The following APC variants were observed in gnomAD, a reference collection of about 807,000 sequenced individuals.
APC encodes APC regulator of Wnt signaling pathway.
APC carries 72 observed loss-of-function variants against 247.0 expected under a neutral mutation model. The ratio of observed to expected loss-of-function variants is 0.29; its 90% CI spans 0.24 to 0.35. The LOEUF is 0.35. Among genes scored for constraint, APC ranks in the 10% least tolerant of loss-of-function variants. The probability of loss-of-function intolerance (pLI) is 1.00; values close to 1 mark genes in which losing one functional copy is unlikely to be tolerated. For missense variants in APC, 3,400 were observed against 3,360.7 expected, an observed-to-expected ratio of 1.01 and a Z score of -0.29; for synonymous variants, 1,254 against 1,162.5, an observed-to-expected ratio of 1.08 and a Z score of -1.60.
At chr5:112,742,945 C>T (rs1445034397) in intron 1 of APC, among the ~76,000 whole-genome samples, 1 of 152,184 alleles carries the variant, frequency 6.6e-6, no homozygotes, top group Admixed American at 6.5e-5. Flanking sequence ...GCTGTTGTAA[C>T]AAATTAACAC....
chr5:112,726,128 G>A (rs1055097411), intron 1 of APC, among the ~76,000 whole-genome samples: 3 of 152,202 alleles, frequency 2.0e-5, no homozygotes, highest in Non-Finnish European at 4.4e-5. Context: ...GCATCCAGGG[G>A]TGGGAGCCTG....
At chr5:112,830,428 G>T (rs1764178441) in intron 14 of APC, among the ~76,000 whole-genome samples, 1 of 152,176 alleles carries the variant, frequency 6.6e-6, no homozygotes, top group Non-Finnish European at 1.5e-5. Context: ...ATGTTGAGCA[G>T]CTGGAAATCA....
At chr5:112,806,583 T>G (rs183541857) in intron 8 of APC, among the ~76,000 whole-genome samples, 107 of 151,462 alleles carry the variant, frequency 7.1e-4, no homozygotes, top group African/African-American at 2.5e-3. Flanking sequence ...TTTATTTATT[T>G]ATTTATTTAT....
At chr5:112,713,136 A>G (rs1195687376) in intron 1 of APC, among the ~76,000 whole-genome samples, 1 of 145,076 alleles carries the variant, frequency 6.9e-6, no homozygotes, top group Admixed American at 7.5e-5. Flanking sequence ...GCATCACTGC[A>G]CTCCAGCCTG....
At chr5:112,829,566 C>T (rs926188570) in intron 14 of APC, 1 of 154,256 alleles carries the variant, frequency 6.5e-6, no homozygotes, top group Non-Finnish European at 1.4e-5. Context: ...TCTGCCTCAG[C>T]ACTATAGACA....
At chr5:112,798,324 A>G (rs1206815595) in intron 7 of APC, among the ~76,000 whole-genome samples, 1 of 152,262 alleles carries the variant, frequency 6.6e-6, no homozygotes, top group African/African-American at 2.4e-5. Flanking sequence ...AGCCAGAGAT[A>G]TAAGTCCATT....
In APC at chr5:112,845,249, C is replaced by G; in HGVS notation, c.*1123C>G. ...TATTTTTCCACTTAAACTTTTTTTT[C>G]TTACTCCACTGGAGCTCAGTAAAAG... is the stretch of plus-strand genomic sequence containing the variant. On this transcript the variant is annotated 3_prime_UTR_variant, in exon 16 of 16. Coordinates refer to ENST00000257430, the MANE Select transcript of APC (RefSeq NM_000038.6). 4.3e-6 allele frequency: 1 copy of G among 232,172 alleles called. No individual in the cohort carries two copies. The highest frequency in any genetic ancestry group is 1.8e-4 in the South Asian group (1 of 5,506). 14.4% of individuals were successfully genotyped at this position (232,172 alleles called of 1,614,324 possible).
chr5:112,832,383 A>ACAAAGG (rs1356026678), intron 14 of APC, among the ~76,000 whole-genome samples: 1 of 152,228 alleles, frequency 6.6e-6, no homozygotes, highest in Non-Finnish European at 1.5e-5. Flanking sequence ...TGTGAGAAGG[A>ACAAAGG]CAAAGGCACT....
chr5:112,836,009 CTTTTTTTTT>C (rs371484714), intron 15 of APC, among the ~76,000 whole-genome samples: 1,429 of 106,304 alleles, frequency 0.013, 68 homozygotes, highest in East Asian at 0.087. Flanking sequence ...ATACAACTGT[CTTTTTTTTT>C]TTTTTTTTTT....
chr5:112,747,287 A>C (rs951870954), intron 1 of APC, among the ~76,000 whole-genome samples: 27 of 152,226 alleles, frequency 1.8e-4, no homozygotes, highest in Admixed American at 1.6e-3. Context: ...TAAATTATTC[A>C]TGAGATATAG....
intron 1 of APC, among the ~76,000 whole-genome samples, chr5:112,741,834 T>A (rs987465213): frequency 2.6e-5 from 4 of 152,162 alleles, no homozygotes; most frequent in Non-Finnish European, 4.4e-5. Flanking sequence ...CTCAAAGAAT[T>A]TGACTATTCT....
intron 6 of APC, among the ~76,000 whole-genome samples, chr5:112,787,506 A>C (rs1439872601): frequency 1.3e-5 from 2 of 152,194 alleles, no homozygotes; most frequent in African/African-American, 2.4e-5. Flanking sequence ...ATCAGTGGGT[A>C]GTGAAACATT....
intron 5 of APC, chr5:112,777,909 A>G: frequency 5.0e-6 from 1 of 198,498 alleles, no homozygotes; most frequent in South Asian, 1.1e-4. Context: ...ACTGTCAGAT[A>G]AAGATTTTCT....
At chr5:112,717,908 C>CTTTTTCTTTTTTTTTTTTTTTTTTTTT (rs1751264440) in intron 1 of APC, among the ~76,000 whole-genome samples, 1 of 40,634 alleles carries the variant, frequency 2.5e-5, no homozygotes, top group Non-Finnish European at 4.5e-5. Context: ...TTTTCTTTTT[C>CTTTTTCTTTTTTTTTTTTTTTTTTTTT]TTTTTTTTTT....
intron 8 of APC, 60 bp downstream of exon 8, chr5:112,801,443 C>G (rs985160751): frequency 2.0e-4 from 249 of 1,223,380 alleles, no homozygotes; most frequent in Non-Finnish European, 2.8e-4. Flanking sequence ...AAGTATGAAG[C>G]AAGATGGTTC....
Position 112,748,072 on chromosome 5 carries a change from A to G in APC, c.-18-6801A>G, listed in dbSNP as rs186124599. ...CGACCCACAAAGCCTTATAATATTT[A>G]TTATCTGGCCCTTACAGAAAATGCT... On this transcript the variant is annotated intron_variant, in intron 1 of 15. Transcript: ENST00000257430. Among the ~76,000 whole-genome samples the G allele has an allele frequency of 3.3e-3, 503 of 152,254 alleles. 7 individuals carry two copies. Among genetic ancestry groups the G allele is most frequent in the Non-Finnish European group, 2.1e-3 (140 of 68,024 alleles).
At chr5:112,738,029 C>T (rs897656322) in intron 1 of APC, 104 bp downstream of exon 1, 1 of 753,054 alleles carries the variant, frequency 1.3e-6, no homozygotes, top group South Asian at 5.9e-5. Context: ...GGCACAGGGT[C>T]CACTGCAGCA....
chr5:112,793,140 C>G (rs755430561), intron 7 of APC, among the ~76,000 whole-genome samples: 3 of 152,088 alleles, frequency 2.0e-5, no homozygotes, highest in Non-Finnish European at 4.4e-5. Context: ...GATGGACTTT[C>G]CAGAACCTCC....
At chr5:112,801,047 C>G (rs1760757961) in intron 7 of APC, among the ~76,000 whole-genome samples, 1 of 152,112 alleles carries the variant, frequency 6.6e-6, no homozygotes, top group African/African-American at 2.4e-5. Context: ...CTCAGAAAAT[C>G]CTTTGTCTCG....
Sources: gnomAD v4.1 joint callset for allele counts (sites outside exome capture counted in the v4.1 genomes callset) on GRCh38, gnomAD v4.1.1 for gene constraint, MANE v1.5 for transcripts, NCBI Gene and HGNC (gene_info 2026-07-23, HGNC 2026-07-21) for gene names.